The following C8A variants were observed in gnomAD, a reference collection of about 807,000 sequenced individuals.
The protein encoded by C8A is complement C8 alpha chain.
In C8A, 67 loss-of-function variants were observed where a neutral mutation model predicts 65.3. The observed-to-expected ratio is 1.03, with a 90% CI of 0.84 to 1.26. The LOEUF (loss-of-function observed/expected upper bound fraction) is 1.26, where lower values mean the gene tolerates loss of function less well. C8A is among the 50% of genes most tolerant of loss of function. The pLI is 0.00. For synonymous variants in C8A, 290 were observed against 259.4 expected, an observed-to-expected ratio of 1.12 and a Z score of -1.13; for missense variants, 781 against 723.9, an observed-to-expected ratio of 1.08 and a Z score of -0.90.
Position 56,881,607 on chromosome 1 carries a change from C to T in C8A, c.627C>T (p.Pro209=), listed in dbSNP as rs779265239. The T allele has an allele frequency of 6.2e-7, 1 of 1,613,424 alleles. No homozygotes were observed. The highest frequency in any genetic ancestry group is 8.5e-7 in the Non-Finnish European group (1 of 1,179,718). The change falls in exon 5 of 11, where the codon CCC becomes CCT. Residue 209 remains proline, a synonymous_variant. Coordinates refer to ENST00000361249, the MANE Select transcript of C8A (RefSeq NM_000562.3). ...ATGATGAGAAATACTTTCGGAAACCCTACAACTTTCTGAAGTACCACTTTG... is the reference window on the plus strand; with the variant it reads ...ATGATGAGAAATACTTTCGGAAACCTTACAACTTTCTGAAGTACCACTTTG... ...YGDDEKYFRK[P]YNFLKYHFEA... is the part of the protein sequence containing the mutation.
At chr1:56,856,255 C>T (rs1210941023) in intron 1 of C8A, among the ~76,000 whole-genome samples, 18 of 152,150 alleles carry the variant, frequency 1.2e-4, no homozygotes, top group Non-Finnish European at 1.5e-5. Context: ...AATTCTGGCA[C>T]TGACATTCAC....
Position 56,881,496 on chromosome 1 carries a change from T to C in C8A, c.516T>C (p.Tyr172=). The C allele has an allele frequency of 6.2e-7, 1 of 1,613,738 alleles. No individual in the cohort carries two copies. The highest frequency in any genetic ancestry group is 8.5e-7 in the Non-Finnish European group (1 of 1,179,752). Residue 172 remains tyrosine, a synonymous_variant, in exon 5 of 11, where the codon TAT becomes TAC. Transcript: ENST00000361249. ...EDAQSVYDAS[Y]YGGQCETVYN... ...CTCAGAGTGTGTACGATGCCAGTTA[T>C]TATGGGGGCCAGTGTGAGACGGTAT...
In C8A at chr1:56,886,099, C is replaced by T; in HGVS notation, c.1028C>T (p.Thr343Ile). The change falls in exon 7 of 11, where the codon ACA (threonine) becomes ATA (isoleucine). Residue 343 changes from threonine to isoleucine, a missense_variant. Thr to Ile is a moderately conservative substitution (Grantham distance 89). Transcript: ENST00000361249. Reference protein sequence around the residue: ...FINDYGTHYITSGSMGGIYEY... With the variant: ...FINDYGTHYIISGSMGGIYEY... ...AATGACTATGGCACCCATTACATCA[C>T]ATCTGGATCCATGGGTGGCATTTAT... 1 of 1,613,948 alleles carries T rather than the reference C, an allele frequency of 6.2e-7. No individual in the cohort carries two copies. Among genetic ancestry groups the T allele is most frequent in the Non-Finnish European group, 8.5e-7 (1 of 1,179,856 alleles).
chr1:56,891,952 A>C (rs1557708978), intron 7 of C8A, among the ~76,000 whole-genome samples: 1 of 152,076 alleles, frequency 6.6e-6, no homozygotes, highest in Non-Finnish European at 1.5e-5. Context: ...TCCTAGGCCT[A>C]TTGTCCTTGG....
intron 1 of C8A, among the ~76,000 whole-genome samples, chr1:56,858,841 T>C (rs1644002623): frequency 6.6e-6 from 1 of 152,186 alleles, no homozygotes; most frequent in African/African-American, 2.4e-5. Context: ...GTATAATCAA[T>C]CTGGGATTAA....
Position 56,908,064 on chromosome 1 carries a change from G to T in C8A, c.1331G>T (p.Arg444Leu), listed in dbSNP as rs143908758. ...CAGAACAGGAGCACCATTACATACC[G>T]TTCCTGGGGGAGGTCATTAAAGTAT... The part of the protein sequence containing the change: ...LAQNRSTITY[R>L]SWGRSLKYNP... The change falls in exon 9 of 11, where the codon CGT (arginine) becomes CTT (leucine). Residue 444 changes from arginine to leucine, a missense_variant. Transcript: ENST00000361249. The T allele has an allele frequency of 3.1e-6, 5 of 1,614,146 alleles. No individual in the cohort carries two copies. The highest frequency in any genetic ancestry group is 4.2e-6 in the Non-Finnish European group (5 of 1,180,010).
At chr1:56,914,576 T>G (rs1265412644) in intron 10 of C8A, among the ~76,000 whole-genome samples, 2 of 152,176 alleles carry the variant, frequency 1.3e-5, no homozygotes, top group Non-Finnish European at 2.9e-5. Context: ...GATCAGATGA[T>G]GTTGAGTTAT....
intron 1 of C8A, among the ~76,000 whole-genome samples, chr1:56,867,016 A>T (rs1240506241): frequency 6.6e-6 from 1 of 152,204 alleles, no homozygotes; most frequent in African/African-American, 2.4e-5. Context: ...TACACTGTAC[A>T]TAAAATAGAT....
chr1:56,855,727 G>T (rs1418116415), intron 1 of C8A, among the ~76,000 whole-genome samples: 2 of 151,198 alleles, frequency 1.3e-5, no homozygotes, highest in African/African-American at 4.9e-5. Flanking sequence ...AGCAATCCCT[G>T]TCTCCCAAAC....
chr1:56,860,054 C>T (rs1250407537), intron 1 of C8A, among the ~76,000 whole-genome samples: 1 of 152,146 alleles, frequency 6.6e-6, no homozygotes, highest in Non-Finnish European at 1.5e-5. Context: ...CAGAGCAAGA[C>T]TCTATCTCAA....
intron 7 of C8A, among the ~76,000 whole-genome samples, chr1:56,901,276 G>A (rs6662705): frequency 0.031 from 4,758 of 152,188 alleles, 218 homozygotes; most frequent in African/African-American, 0.11. Context: ...ACAGCAACAT[G>A]AATGGTATTT....
intron 7 of C8A, among the ~76,000 whole-genome samples, chr1:56,891,792 G>A (rs908720062): frequency 3.3e-5 from 5 of 152,184 alleles, no homozygotes; most frequent in Non-Finnish European, 2.9e-5. Context: ...CAGCTTCATG[G>A]TAAAGACATC....
chr1:56,880,212 C>A (rs375480504), intron 4 of C8A, among the ~76,000 whole-genome samples: 1 of 152,076 alleles, frequency 6.6e-6, no homozygotes, highest in African/African-American at 2.4e-5. Context: ...AGCTGTATTT[C>A]ATCTGCTTGA....
chr1:56,858,313 T>G (rs1370052202), intron 1 of C8A, among the ~76,000 whole-genome samples: 1 of 152,176 alleles, frequency 6.6e-6, no homozygotes, highest in Non-Finnish European at 1.5e-5. Flanking sequence ...ACAAGATAAC[T>G]CAGATAGGCA....
Position 56,867,611 on chromosome 1 carries a change from G to T in C8A, c.80G>T (p.Arg27Ile). 1 of 1,612,446 alleles carries T rather than the reference G, an allele frequency of 6.2e-7. No individual in the cohort carries two copies. Among genetic ancestry groups the T allele is most frequent in the Non-Finnish European group, 8.5e-7 (1 of 1,178,668 alleles). ...GVTAQEKVNQ[R>I]VRRAATPAAV... ...GCATGGATCTTCCCTTTCTTTAGGA[G>T]AGTAAGACGGGCAGCTACACCCGCA... The change falls in exon 2 of 11, where the codon AGA (arginine) becomes ATA (isoleucine). Residue 27 changes from arginine (R) to isoleucine (I), a missense_variant and splice_region_variant. By Grantham distance (97) the Arg-to-Ile change is moderately conservative (BLOSUM62 -3). Coordinates refer to ENST00000361249, the MANE Select transcript of C8A (RefSeq NM_000562.3).
At chr1:56,875,660 G>T (rs1010543969) in intron 3 of C8A, among the ~76,000 whole-genome samples, 1 of 152,122 alleles carries the variant, frequency 6.6e-6, no homozygotes, top group Non-Finnish European at 1.5e-5. Flanking sequence ...CTCCCAATCA[G>T]CCCAGAATGT....
At chr1:56,893,462 C>A (rs983748373) in intron 7 of C8A, among the ~76,000 whole-genome samples, 1 of 152,128 alleles carries the variant, frequency 6.6e-6, no homozygotes, top group African/African-American at 2.4e-5. Context: ...GATTGAGGAA[C>A]AACACTTAAT....
rs765277297 is a variant in C8A, at chr1:56,917,737, G to T, written c.*21G>T. 3.7e-6 allele frequency: 6 copies of T among 1,613,662 alleles called. No individual in the cohort carries two copies. Among genetic ancestry groups the T allele is most frequent in the Non-Finnish European group, 5.1e-6 (6 of 1,179,992 alleles). ...GCTGAGGGCCTCTGGACACAGGCTG[G>T]ACCAGATGCTGTGGATGTCGACCCC... On this transcript the variant is annotated 3_prime_UTR_variant, in exon 11 of 11. Coordinates refer to ENST00000361249, the MANE Select transcript of C8A (RefSeq NM_000562.3).
chr1:56,900,889 A>G (rs1051784584), intron 7 of C8A, among the ~76,000 whole-genome samples: 1 of 152,182 alleles, frequency 6.6e-6, no homozygotes, highest in African/African-American at 2.4e-5. Context: ...TACTAGAGTG[A>G]GCTAAATACT....
Sources: allele counts gnomAD v4.1 joint callset (sites outside exome capture counted in the v4.1 genomes callset), GRCh38; gene constraint gnomAD v4.1.1; transcripts MANE v1.5; gene names NCBI Gene and HGNC (gene_info 2026-07-23, HGNC 2026-07-21).